The following AKAP7 variants were observed in gnomAD, a reference collection of about 807,000 sequenced individuals.
The protein encoded by AKAP7 is A kinase (PRKA) anchor protein 7.
In AKAP7, 39 loss-of-function variants were observed where a neutral mutation model predicts 39.5. The ratio of observed to expected loss-of-function variants is 0.99; its 90% CI spans 0.76 to 1.29. The LOEUF (loss-of-function observed/expected upper bound fraction) is 1.29, where lower values mean the gene tolerates loss of function less well. Ranked by LOEUF, AKAP7 falls within the 50% of genes most tolerant of loss-of-function variation. AKAP7 has a pLI of 0.00. For synonymous variants in AKAP7, 140 were observed against 139.1 expected (o/e 1.01, Z -0.05); for missense variants, 414 against 407.7 (o/e 1.02, Z -0.13).
Position 131,282,388 on chromosome 6 carries a change from T to C in AKAP7, c.*662T>C. The C allele has an allele frequency of 6.9e-7, 1 of 1,449,318 alleles. No individual in the cohort carries two copies. Among genetic ancestry groups the C allele is most frequent in the Non-Finnish European group, 9.1e-7 (1 of 1,103,874 alleles). 89.8% of individuals were successfully genotyped at this position (1,449,318 alleles called of 1,614,324 possible). The stretch of plus-strand genomic sequence containing the variant: ...TTAATGAAATGTTATTATATAATTT[T>C]TTTTTCTTAGGCAAGAAACCTATTG... On this transcript the variant is annotated 3_prime_UTR_variant, in exon 8 of 8. Coordinates refer to ENST00000431975, the MANE Select transcript of AKAP7 (RefSeq NM_016377.4).
intron 5 of AKAP7, among the ~76,000 whole-genome samples, chr6:131,191,840 G>A (rs1056068998): frequency 6.7e-6 from 1 of 148,596 alleles, no homozygotes; most frequent in Non-Finnish European, 1.5e-5. Context: ...TCTGGTCCTC[G>A]TGGTGTTTTT....
intron 3 of AKAP7, chr6:131,164,296 A>G: frequency 2.2e-6 from 1 of 447,916 alleles, no homozygotes; most frequent in African/African-American, 2.0e-5. Flanking sequence ...GCTATTTTGT[A>G]TTCAGACTAC....
the AKAP7 span, among the ~76,000 whole-genome samples, chr6:131,127,675 A>G: frequency 2.0e-5 from 3 of 152,246 alleles, no homozygotes; most frequent in African/African-American, 4.8e-5. Flanking sequence ...TATATATGAC[A>G]AAGTATTTAA....
chr6:131,273,240 A>C (rs895289561), intron 7 of AKAP7, among the ~76,000 whole-genome samples: 36 of 152,128 alleles, frequency 2.4e-4, no homozygotes, highest in African/African-American at 7.7e-4. Flanking sequence ...TTTTTGGTAC[A>C]CATCATAGTT....
At chr6:131,191,742 T>C (rs909755880) in intron 5 of AKAP7, among the ~76,000 whole-genome samples, 1 of 152,076 alleles carries the variant, frequency 6.6e-6, no homozygotes. Flanking sequence ...TAATGCTCAC[T>C]GGGGTGCTGG....
chr6:131,168,318 A>G (rs2128243442), intron 4 of AKAP7, among the ~76,000 whole-genome samples: 1 of 152,242 alleles, frequency 6.6e-6, no homozygotes, highest in South Asian at 2.1e-4. Context: ...AGGCTGAGGC[A>G]GGAGGATCAC....
chr6:131,222,936 C>T (rs1299205298), intron 7 of AKAP7, among the ~76,000 whole-genome samples: 4 of 152,150 alleles, frequency 2.6e-5, no homozygotes, highest in Non-Finnish European at 5.9e-5. Context: ...CACAACCACT[C>T]GAACCTCCAG....
At chr6:131,189,844 AC>A (rs557210216) in intron 5 of AKAP7, among the ~76,000 whole-genome samples, 90 of 152,246 alleles carry the variant, frequency 5.9e-4, no homozygotes, top group African/African-American at 1.9e-3. Context: ...TTTAGGAGGC[AC>A]CCTTACCTGA....
chr6:131,140,659 G>C (rs1324582448), intron 1 of AKAP7, among the ~76,000 whole-genome samples: 1 of 152,076 alleles, frequency 6.6e-6, no homozygotes, highest in African/African-American at 2.4e-5. Flanking sequence ...ATAAAATAGA[G>C]GAAAAACAAT....
At chr6:131,254,245 A>G (rs899736121) in intron 7 of AKAP7, among the ~76,000 whole-genome samples, 4 of 152,206 alleles carry the variant, frequency 2.6e-5, no homozygotes, top group Non-Finnish European at 4.4e-5. Flanking sequence ...TACTGGAAAT[A>G]TTATAGGTTT....
chr6:131,151,784 T>C (rs1801943946), intron 2 of AKAP7, among the ~76,000 whole-genome samples: 1 of 152,220 alleles, frequency 6.6e-6, no homozygotes. Context: ...GATAGTGTTC[T>C]AAGTCAATAG....
Position 131,200,611 on chromosome 6 carries a change from GT to G in AKAP7, c.702+1042del, listed in dbSNP as rs1440991844. Among the ~76,000 whole-genome samples, 79 of 152,184 alleles carry G rather than the reference GT, an allele frequency of 5.2e-4. 2 individuals carry two copies. The highest frequency in any genetic ancestry group is 2.1e-4 in the South Asian group (1 of 4,828). On this transcript the variant is annotated intron_variant, in intron 6 of 7. Transcript: ENST00000431975. Reference sequence around the variant, plus strand: ...GTGACTCACCATCCTATAGTTAAGAGTTTTCTACAAACTATTGCTGAAAATC... The same window carrying G: ...GTGACTCACCATCCTATAGTTAAGAGTTTCTACAAACTATTGCTGAAAATC...
At chr6:131,197,801 G>A (rs544126599) in intron 5 of AKAP7, among the ~76,000 whole-genome samples, 1 of 152,252 alleles carries the variant, frequency 6.6e-6, no homozygotes, top group East Asian at 1.9e-4. Context: ...ACGAAGTCCG[G>A]TGGAGTCAAA....
chr6:131,244,588 C>T (rs1383050157), intron 7 of AKAP7, among the ~76,000 whole-genome samples: 2 of 152,204 alleles, frequency 1.3e-5, no homozygotes, highest in Non-Finnish European at 2.9e-5. Context: ...AAGGCTTTGA[C>T]TATCCATGCC....
intron 5 of AKAP7, among the ~76,000 whole-genome samples, chr6:131,175,850 TAG>T (rs921174348): frequency 6.6e-6 from 1 of 152,170 alleles, no homozygotes; most frequent in Non-Finnish European, 1.5e-5. Flanking sequence ...TTATTGCCAT[TAG>T]ATCATACTTT....
chr6:131,260,879 C>T (rs952889103), intron 7 of AKAP7, among the ~76,000 whole-genome samples: 1 of 151,950 alleles, frequency 6.6e-6, no homozygotes, highest in African/African-American at 2.4e-5. Context: ...TTTTATTTTC[C>T]TTAATTTATA....
chr6:131,277,211 T>A (rs966340368), intron 7 of AKAP7, among the ~76,000 whole-genome samples: 2 of 152,224 alleles, frequency 1.3e-5, no homozygotes, highest in African/African-American at 4.8e-5. Context: ...GGGCCAGTGC[T>A]GTGTTTGATG....
intron 7 of AKAP7, among the ~76,000 whole-genome samples, chr6:131,239,115 T>A (rs2128311417): frequency 6.6e-6 from 1 of 152,330 alleles, no homozygotes; most frequent in Non-Finnish European, 1.5e-5. Context: ...GGTGACAAAA[T>A]CTCTCAGCAT....
intron 2 of AKAP7, among the ~76,000 whole-genome samples, chr6:131,151,806 T>C (rs940654126): frequency 3.9e-5 from 6 of 152,212 alleles, no homozygotes; most frequent in African/African-American, 1.4e-4. Flanking sequence ...TAAGGAATTT[T>C]AGGAATGGTT....
Sources: allele counts gnomAD v4.1 joint callset (sites outside exome capture counted in the v4.1 genomes callset), GRCh38; gene constraint gnomAD v4.1.1; transcripts MANE v1.5; gene names NCBI Gene and HGNC (gene_info 2026-07-23, HGNC 2026-07-21).